ZNF768: variants seen among roughly 807,000 people sequenced by gnomAD.
The protein encoded by ZNF768 is zinc finger protein 768.
In ZNF768, 12 loss-of-function variants were observed where a neutral mutation model predicts 39.7. The ratio of observed to expected loss-of-function variants is 0.30; its 90% CI spans 0.19 to 0.49. The LOEUF (loss-of-function observed/expected upper bound fraction) is 0.49, where lower values mean the gene tolerates loss of function less well. ZNF768 is among the 20% of genes least tolerant of loss of function. The pLI, the probability that ZNF768 is intolerant of heterozygous loss-of-function variation, is 0.99. For missense variants in ZNF768, 613 were observed against 723.2 expected (o/e 0.85, Z 1.75); for synonymous variants, 360 against 288.4 (o/e 1.25, Z -2.52).
upstream of ZNF768, among the ~76,000 whole-genome samples, chr16:30,529,104 T>C (rs1218148064): frequency 6.6e-6 from 1 of 152,174 alleles, no homozygotes; most frequent in Non-Finnish European, 1.5e-5. Context: ...CAGCCTCCTC[T>C]AGGACCAGGG....
chr16:30,526,931 G>A (rs1483623423), upstream of ZNF768: 13 of 985,616 alleles, frequency 1.3e-5, no homozygotes, highest in Non-Finnish European at 1.6e-5. Context: ...CCCGGCCACG[G>A]GGTGGGTGAG....
intron 1 of ZNF768, 86 bp from the exon 2 acceptor site, chr16:30,526,137 G>A (rs1489417918): frequency 2.0e-6 from 3 of 1,492,236 alleles, no homozygotes; most frequent in East Asian, 2.5e-5. Flanking sequence ...CTCACATGCA[G>A]GGTCGCTGGC....
chr16:30,525,929 C>T lies in ZNF768; in HGVS notation c.211G>A (p.Glu71Lys), dbSNP rs1325400487. The T allele has an allele frequency of 4.6e-6, 7 of 1,516,096 alleles. No homozygotes were observed. In the African/African-American group the frequency reaches 9.8e-5, roughly 21 times the overall value. 93.9% of individuals were successfully genotyped at this position (1,516,096 alleles called of 1,614,324 possible). A position where few individuals can be genotyped will look rare whatever the true frequency, so the allele number is the denominator to read the frequency against. ...QSPGFEPQSP[E>K]FEPQSPRFEP... The stretch of plus-strand genomic sequence containing the variant: ...AATCTGGGGCTTTGGGGTTCAAACT[C>T]TGGGCTTTGTGGCTCAAACCCAGGG... The change falls in exon 2 of 2, where the codon GAG becomes AAG. Residue 71 changes from glutamate to lysine, a missense_variant. Physicochemically the swap from Glu to Lys is moderately conservative, Grantham distance 56. Around this residue, in one of 4 missense-constraint regions of ZNF768, gnomAD observed 347 missense variants for 326.1 expected, o/e 1.06. Coordinates refer to ENST00000380412, the MANE Select transcript of ZNF768 (RefSeq NM_024671.4).
rs1466392229 is a variant in ZNF768 at position 30,524,723 on chromosome 16, TGA to T, written c.1415_1416del (p.Leu472HisfsTer45). On this transcript the variant is annotated frameshift_variant, in exon 2 of 2. Transcript: ENST00000380412. LOFTEE classifies it high-confidence loss of function. ...CGKTFNRSST[L>X]IQHQRSHTGE... ...CCCGTGTGGGAGCGCTGGTGCTGGATGAGAGTGGAGGAGCGATTGAAGGTCTT... is the reference window on the plus strand; with the variant it reads ...CCCGTGTGGGAGCGCTGGTGCTGGATGAGTGGAGGAGCGATTGAAGGTCTT... 1 of 1,605,224 alleles carries T rather than the reference TGA, an allele frequency of 6.2e-7. No homozygotes were observed. Among genetic ancestry groups the T allele is most frequent in the African/African-American group, 1.4e-5 (1 of 72,436 alleles).
chr16:30,524,833 T>C lies in ZNF768; in HGVS notation c.1307A>G (p.Lys436Arg). 6.2e-7 allele frequency: 1 copy of C among 1,610,886 alleles called. No individual in the cohort carries two copies. The highest frequency in any genetic ancestry group is 2.2e-5 in the East Asian group (1 of 44,860). Residue 436 changes from lysine (K) to arginine (R), a missense_variant, in exon 2 of 2, where the codon AAG becomes AGG. Lys to Arg is a conservative substitution (Grantham distance 26, BLOSUM62 2). This residue lies in a region of ZNF768 where 204 missense variants were observed against 281.7 expected (regional missense o/e 0.72). Transcript: ENST00000380412. The stretch of plus-strand genomic sequence containing the variant: ...CAGCACCGAGCTCTGGCCAAAGCGC[T>C]TGCCGCACTCAGGGCACTTGAAGGG... ...EKPFKCPECG[K>R]RFGQSSVLAI...
chr16:30,526,046 T>C lies in ZNF768; in HGVS notation c.94A>G (p.Met32Val), dbSNP rs1478036985. ...RSPEGYLRGN[M>V]SENEEEEISQ... ...ATTTCCTCTTCCTCATTCTCACTCA[T>C]GTTGCCTGCAGGATGAGAGAATCCA... The change falls in exon 2 of 2, where the codon ATG (methionine) becomes GTG (valine). Residue 32 changes from methionine to valine, a missense_variant. Transcript: ENST00000380412. 2.0e-6 allele frequency: 3 copies of C among 1,497,864 alleles called. No individual in the cohort carries two copies. The highest frequency in any genetic ancestry group is 1.4e-5 in the African/African-American group (1 of 70,704). 92.8% of individuals were successfully genotyped at this position (1,497,864 alleles called of 1,614,324 possible).
chr16:30,527,441 G>A (rs1386625098), upstream of ZNF768: 2 of 526,406 alleles, frequency 3.8e-6, no homozygotes, highest in South Asian at 8.1e-5. Context: ...GATGGGGCTC[G>A]TGCTCTAGCC....
the ZNF768 span, chr16:30,532,226 T>C: frequency 3.5e-6 from 2 of 567,114 alleles, no homozygotes; most frequent in East Asian, 5.9e-5. Context: ...TTAGCATCTC[T>C]GGGAGGAGAA....
At chr16:30,526,275 C>A in intron 1 of ZNF768, 51 bp downstream of exon 1, 6 of 1,604,314 alleles carry the variant, frequency 3.7e-6, no homozygotes, top group Non-Finnish European at 4.3e-6. Context: ...GGAGCCACAG[C>A]CCCTTCTCCT....
At position 30,525,789 on chromosome 16, in the gene ZNF768, C is replaced by G; in HGVS notation, c.351G>C (p.Gln117His). 6.4e-7 allele frequency: 1 copy of G among 1,563,090 alleles called. No individual in the cohort carries two copies. The highest frequency in any genetic ancestry group is 8.6e-7 in the Non-Finnish European group (1 of 1,159,336). Residue 117 changes from glutamine (Q) to histidine (H), a missense_variant, in exon 2 of 2, where the codon CAG (glutamine) becomes CAC (histidine). Physicochemically the swap from Gln to His is conservative, Grantham distance 24. Coordinates refer to ENST00000380412, the MANE Select transcript of ZNF768 (RefSeq NM_024671.4). The part of the protein sequence containing the change: ...SDSQSPEFES[Q>H]SPRYEPQSPG... Reference sequence around the variant, plus strand: ...GGCTTTGGGGTTCATACCTAGGGCTCTGGGATTCAAACTCAGGGCTCTGAG... The same window carrying G: ...GGCTTTGGGGTTCATACCTAGGGCTGTGGGATTCAAACTCAGGGCTCTGAG...
upstream of ZNF768, chr16:30,526,572 C>T: frequency 9.6e-7 from 1 of 1,041,248 alleles, no homozygotes; most frequent in Non-Finnish European, 1.2e-6. Context: ...CGTCTTGACC[C>T]CGCGCCTCTC....
At position 30,525,948 on chromosome 16, in the gene ZNF768, C is replaced by A; in HGVS notation, c.192G>T (p.Gly64=). The part of the protein sequence containing the change: ...IPFGLEPQSP[G]FEPQSPEFEP... ...CAAACTCTGGGCTTTGTGGCTCAAA[C>A]CCAGGGCTCTGGGGTTCAAGCCCAA... is the stretch of plus-strand genomic sequence containing the variant. The change falls in exon 2 of 2, where the codon GGG becomes GGT. Residue 64 remains glycine, a synonymous_variant. Coordinates refer to ENST00000380412, the MANE Select transcript of ZNF768 (RefSeq NM_024671.4). The A allele has an allele frequency of 6.6e-7, 1 of 1,513,124 alleles. No homozygotes were observed. 93.7% of individuals were successfully genotyped at this position (1,513,124 alleles called of 1,614,324 possible). A position where few individuals can be genotyped will look rare whatever the true frequency, so the allele number is the denominator to read the frequency against.
chr16:30,529,119 A>C (rs1208607922), upstream of ZNF768, among the ~76,000 whole-genome samples: 1 of 152,216 alleles, frequency 6.6e-6, no homozygotes, highest in Non-Finnish European at 1.5e-5. Context: ...CCAGGGTGCC[A>C]TCTATGCACA....
chr16:30,529,990 A>G (rs1229642137), upstream of ZNF768, among the ~76,000 whole-genome samples: 1 of 151,740 alleles, frequency 6.6e-6, no homozygotes, highest in Admixed American at 6.6e-5. Flanking sequence ...TGTCAGGCTA[A>G]TTTTTTTAAA....
At chr16:30,532,305 C>T in the ZNF768 span, 19 of 659,082 alleles carry the variant, frequency 2.9e-5, no homozygotes, top group South Asian at 3.3e-4. Flanking sequence ...CAAAGGGGGC[C>T]TTGGAGAGCC....
Position 30,525,104 on chromosome 16 carries a change from T to C in ZNF768, c.1036A>G (p.Lys346Glu), listed in dbSNP as rs771051847. ...AAGGCCTTGCCACAATGTGGGCACT[T>C]GTAGGGCTTCTGGCCAGAGTGAGTG... is the stretch of plus-strand genomic sequence containing the variant. The part of the protein sequence containing the change: ...QRTHSGQKPY[K>E]CPHCGKAFGD... The change falls in exon 2 of 2, where the codon AAG becomes GAG. Residue 346 changes from lysine (K) to glutamate (E), a missense_variant. Coordinates refer to ENST00000380412, the MANE Select transcript of ZNF768 (RefSeq NM_024671.4). 6.2e-7 allele frequency: 1 copy of C among 1,614,058 alleles called. No homozygotes were observed. The highest frequency in any genetic ancestry group is 1.1e-5 in the South Asian group (1 of 91,084).
Position 30,524,499 on chromosome 16 carries a change from C to T in ZNF768, c.*18G>A, listed in dbSNP as rs370156113. On this transcript the variant is annotated 3_prime_UTR_variant, in exon 2 of 2. Transcript: ENST00000380412. The stretch of plus-strand genomic sequence containing the variant: ...CTTATCTTCTGCCCACACCTCCCAC[C>T]CCTGCTGGGGCCCCAGGTCAGCGCC... 1.9e-6 allele frequency: 3 copies of T among 1,595,774 alleles called. No homozygotes were observed. The East Asian group carries it at 6.7e-5, about 36-fold the overall frequency.
Position 30,525,968 on chromosome 16 carries a change from G to A in ZNF768, c.172C>T (p.Leu58Phe). 10 of 1,507,906 alleles carry A rather than the reference G, an allele frequency of 6.6e-6. No homozygotes were observed. Among genetic ancestry groups the A allele is most frequent in the African/African-American group, 1.4e-5 (1 of 71,522 alleles). The allele number at this position is 1,507,906 out of a possible 1,614,324, so 93.4% of individuals were successfully genotyped here. A position where few individuals can be genotyped will look rare whatever the true frequency, so the allele number is the denominator to read the frequency against. ...TCAAACCCAGGGCTCTGGGGTTCAA[G>A]CCCAAATGGTATCTCTTCGACTTCA... The part of the protein sequence containing the change: ...DYEVEEIPFG[L>F]EPQSPGFEPQ... The change falls in exon 2 of 2, where the codon CTT becomes TTT. Residue 58 changes from leucine (L) to phenylalanine (F), a missense_variant. By Grantham distance (22) the Leu-to-Phe change is conservative. This residue lies in a region of ZNF768 where 347 missense variants were observed against 326.1 expected (regional missense o/e 1.06). Transcript: ENST00000380412.
rs2051311613 is a variant in ZNF768, at chr16:30,525,358, T to A, written c.782A>T (p.Asn261Ile). The A allele has an allele frequency of 6.2e-7, 1 of 1,613,990 alleles. No individual in the cohort carries two copies. Residue 261 changes from asparagine (N) to isoleucine (I), a missense_variant, in exon 2 of 2, where the codon AAC becomes ATC. Asn to Ile is a moderately radical substitution (Grantham distance 149, BLOSUM62 -3). This residue lies in a region of ZNF768 where 40 missense variants were observed against 52.0 expected (regional missense o/e 0.77). Transcript: ENST00000380412. ...RARGGQGPRP[N>I]ICGICGKSFG... ...GCTCTTCCCGCAGATGCCACAGATG[T>A]TAGGCCGAGGGCCCTGCCCACCCCT...
Sources: allele counts gnomAD v4.1 joint callset (sites outside exome capture counted in the v4.1 genomes callset), GRCh38; gene constraint gnomAD v4.1.1; regional missense constraint gnomAD v4.1.1; transcripts MANE v1.5; gene names NCBI Gene and HGNC (gene_info 2026-07-23, HGNC 2026-07-21).